The following BCAT1 variants were observed in gnomAD, a reference collection of about 807,000 sequenced individuals.
The protein encoded by BCAT1 is branched-chain-amino-acid aminotransferase, cytosolic.
A neutral mutation model predicts 52.4 loss-of-function variants in BCAT1; 48 were observed. The observed-to-expected ratio is 0.92, with a 90% CI of 0.73 to 1.16. BCAT1 has a LOEUF of 1.16. BCAT1 is among the 50% of genes most tolerant of loss of function. The pLI, the probability that BCAT1 is intolerant of heterozygous loss-of-function variation, is 0.00. For synonymous variants in BCAT1, 167 were observed against 161.3 expected, an observed-to-expected ratio of 1.04 and a Z score of -0.27; for missense variants, 451 against 457.1, an observed-to-expected ratio of 0.99 and a Z score of 0.12.
rs117200620 is a variant in BCAT1, at chr12:24,818,032, G to T, written c.1137C>A (p.Ser379Arg). ...TTCAGGATAGCACAATTGTCCAGTC[G>T]CTCTCTTCTCTTCCATACTGCAACA... ...LTDIQYGREE[S>R]DWTIVLS Residue 379 changes from serine (S) to arginine (R), a missense_variant, in exon 11 of 11, where the codon AGC becomes AGA. Coordinates refer to ENST00000261192, the MANE Select transcript of BCAT1 (RefSeq NM_005504.7). 2 of 1,612,908 alleles carry T rather than the reference G, an allele frequency of 1.2e-6. No homozygotes were observed.
intron 1 of BCAT1, chr12:24,945,322 G>A (rs1943919872): frequency 6.6e-6 from 1 of 152,154 alleles, no homozygotes; most frequent in African/African-American, 2.4e-5. Flanking sequence ...AAAAATGTGA[G>A]TTGCACCTCA....
chr12:24,865,368 C>T (rs1941975627), intron 5 of BCAT1, among the ~76,000 whole-genome samples: 1 of 152,236 alleles, frequency 6.6e-6, no homozygotes, highest in African/African-American at 2.4e-5. Flanking sequence ...TCTTCTCTCA[C>T]ACCCACATCC....
intron 2 of BCAT1, among the ~76,000 whole-genome samples, chr12:24,900,054 G>A (rs1427805673): frequency 6.6e-6 from 1 of 151,984 alleles, no homozygotes; most frequent in Non-Finnish European, 1.5e-5. Context: ...TTGTTTGTTT[G>A]TTTGTTTTTG....
Position 24,881,328 on chromosome 12 carries a change from A to T in BCAT1, c.363T>A (p.Tyr121Ter), listed in dbSNP as rs1352404396. 1.2e-6 allele frequency: 2 copies of T among 1,612,808 alleles called. No individual in the cohort carries two copies. The highest frequency in any genetic ancestry group is 3.3e-5 in the Admixed American group (2 of 60,012). ...FQPNLNMDRM[Y>*]RSAVRATLPV... The stretch of plus-strand genomic sequence containing the variant: ...GCAGAGTTGCCCTCACAGCAGAGCG[A>T]TACATTCTATCCATGTTGAGGTTTG... The change falls in exon 4 of 11, where the codon TAT (tyrosine) becomes TAA (stop). Residue 121 changes from tyrosine to a stop codon, truncating the protein, a stop_gained. Coordinates refer to ENST00000261192, the MANE Select transcript of BCAT1 (RefSeq NM_005504.7). LOFTEE classifies it high-confidence loss of function.
intron 10 of BCAT1, among the ~76,000 whole-genome samples, chr12:24,824,055 C>T (rs1940268139): frequency 2.0e-5 from 3 of 152,134 alleles, no homozygotes; most frequent in Admixed American, 6.5e-5. Flanking sequence ...TGATGAGTTG[C>T]ATTTCTGCTT....
chr12:24,891,499 G>T (rs1942836689), intron 3 of BCAT1, among the ~76,000 whole-genome samples: 1 of 152,102 alleles, frequency 6.6e-6, no homozygotes, highest in African/African-American at 2.4e-5. Flanking sequence ...ATTTTAAAAT[G>T]ACGCTTGTAA....
chr12:24,826,977 T>C (rs951814550), intron 10 of BCAT1, among the ~76,000 whole-genome samples: 3 of 152,232 alleles, frequency 2.0e-5, no homozygotes, highest in African/African-American at 7.2e-5. Context: ...GATTTTTATA[T>C]GTTGATTTTA....
chr12:24,877,577 C>A (rs571819043), intron 5 of BCAT1, among the ~76,000 whole-genome samples: 1 of 152,336 alleles, frequency 6.6e-6, no homozygotes, highest in African/African-American at 2.4e-5. Flanking sequence ...TTAACTCCCA[C>A]TGTGAACTTT....
At position 24,813,161 on chromosome 12, in the gene BCAT1, AAC is replaced by A. The variant is rs1404737480; in HGVS notation, c.*4845_*4846del. On this transcript the variant is annotated 3_prime_UTR_variant, in exon 11 of 11. Coordinates refer to ENST00000261192, the MANE Select transcript of BCAT1 (RefSeq NM_005504.7). ...GACCCCAGGAAATTATTTACCCACA[AAC>A]ACTACTATAACTACTATACTCTGTT... 1 of 151,986 alleles carries A rather than the reference AAC, an allele frequency of 6.6e-6. No homozygotes were observed. Among genetic ancestry groups the A allele is most frequent in the African/African-American group, 2.4e-5 (1 of 41,436 alleles). The allele number at this position is 151,986 out of a possible 1,614,324, so 9.4% of individuals were successfully genotyped here. A position where few individuals can be genotyped will look rare whatever the true frequency, so the allele number is the denominator to read the frequency against.
At chr12:24,836,745 A>G (rs1009743588) in intron 7 of BCAT1, 149 bp from the exon 8 acceptor site, 154 of 610,482 alleles carry the variant, frequency 2.5e-4, no homozygotes, top group Middle Eastern at 7.1e-4. Context: ...AATTTCCCAA[A>G]TCAGTTCACA....
At chr12:24,908,048 T>G (rs185310475) in intron 1 of BCAT1, among the ~76,000 whole-genome samples, 1 of 152,338 alleles carries the variant, frequency 6.6e-6, no homozygotes. Context: ...TTAGAAAGCA[T>G]GTACTTAATA....
intron 5 of BCAT1, among the ~76,000 whole-genome samples, chr12:24,860,347 G>A (rs527955624): frequency 6.6e-6 from 1 of 152,226 alleles, no homozygotes; most frequent in East Asian, 1.9e-4. Context: ...GTGACTTTTT[G>A]CTTAAAATGT....
At chr12:24,851,196 C>T (rs896120755) in intron 5 of BCAT1, among the ~76,000 whole-genome samples, 1 of 152,132 alleles carries the variant, frequency 6.6e-6, no homozygotes, top group Non-Finnish European at 1.5e-5. Context: ...TTAAGAGCTT[C>T]GGGATATAAA....
rs201793932 is a variant in BCAT1 at position 24,936,723 on chromosome 12, T to TCTCTCTCA, written c.6+12203_6+12204insTGAGAGAG. 2.7e-3 allele frequency among the ~76,000 whole-genome samples: 386 copies of TCTCTCTCA among 141,902 alleles called. 9 individuals carry two copies. The highest frequency in any genetic ancestry group is 9.1e-3 in the African/African-American group (365 of 39,958). The allele number at this position is 141,902 out of a possible 152,430, so 93.1% of individuals were successfully genotyped here. ...CTCTTTAAATCTCAATCTCTCTCTC[T>TCTCTCTCA]CACACACACACACACACATACACAC... On this transcript the variant is annotated intron_variant, in intron 1 of 10. Transcript: ENST00000261192.
Position 24,911,904 on chromosome 12 carries a change from C to T in BCAT1, c.7-10019G>A, listed in dbSNP as rs114279875. On this transcript the variant is annotated intron_variant, in intron 1 of 10. Coordinates refer to ENST00000261192, the MANE Select transcript of BCAT1 (RefSeq NM_005504.7). The stretch of plus-strand genomic sequence containing the variant: ...GAAAACAATTAAGCTTATAATTTTG[C>T]GTTTTACAGAAACAGAATCACTTAA... Among the ~76,000 whole-genome samples the T allele has an allele frequency of 4.6e-3, 697 of 152,230 alleles. 8 individuals carry two copies. Among genetic ancestry groups the T allele is most frequent in the African/African-American group, 0.016 (650 of 41,548 alleles).
chr12:24,940,489 A>G (rs1289948751), intron 1 of BCAT1, among the ~76,000 whole-genome samples: 1 of 152,186 alleles, frequency 6.6e-6, no homozygotes, highest in Non-Finnish European at 1.5e-5. Flanking sequence ...ATATTCATGG[A>G]ACTACTGACA....
At position 24,813,889 on chromosome 12, in the gene BCAT1, C is replaced by T. The variant is rs2139286183; in HGVS notation, c.*4119G>A. 6.6e-6 allele frequency: 1 copy of T among 152,200 alleles called. No individual in the cohort carries two copies. The highest frequency in any genetic ancestry group is 1.9e-4 in the East Asian group (1 of 5,192). The allele number at this position is 152,200 out of a possible 1,614,324, so 9.4% of individuals were successfully genotyped here. On this transcript the variant is annotated 3_prime_UTR_variant, in exon 11 of 11. Transcript: ENST00000261192. Reference sequence around the variant, plus strand: ...AGTTCAAGTAGTAGAATACAAACTCCATGAGGGTAATGTCTATATGCCATT... The same window carrying T: ...AGTTCAAGTAGTAGAATACAAACTCTATGAGGGTAATGTCTATATGCCATT...
chr12:24,822,462 T>C (rs1940178839), intron 10 of BCAT1, among the ~76,000 whole-genome samples: 1 of 152,222 alleles, frequency 6.6e-6, no homozygotes. Context: ...AAAACATCCA[T>C]GCTCCCATGT....
At chr12:24,916,663 C>T (rs1288209116) in intron 1 of BCAT1, among the ~76,000 whole-genome samples, 1 of 152,194 alleles carries the variant, frequency 6.6e-6, no homozygotes, top group Admixed American at 6.5e-5. Flanking sequence ...GCCTCAGCCT[C>T]CCGAGTAGCT....
Sources: allele counts gnomAD v4.1 joint callset (sites outside exome capture counted in the v4.1 genomes callset), GRCh38; gene constraint gnomAD v4.1.1; transcripts MANE v1.5; gene names NCBI Gene and HGNC (gene_info 2026-07-23, HGNC 2026-07-21).